PPP2R2B: variants seen among roughly 807,000 people sequenced by gnomAD.
PPP2R2B encodes protein phosphatase 2 regulatory subunit Bbeta, also known as serine/threonine-protein phosphatase 2A 55 kDa regulatory subunit B beta isoform.
PPP2R2B carries 5 observed loss-of-function variants against 46.0 expected under a neutral mutation model. The ratio of observed to expected loss-of-function variants is 0.11; its 90% CI spans 0.06 to 0.23. The LOEUF (loss-of-function observed/expected upper bound fraction) is 0.23. Ranked by LOEUF, PPP2R2B falls within the 10% of genes least tolerant of loss-of-function variation. The pLI is 1.00. For missense variants in PPP2R2B, 367 were observed against 575.0 expected, an observed-to-expected ratio of 0.64 and a Z score of 3.70; for synonymous variants, 215 against 206.7, an observed-to-expected ratio of 1.04 and a Z score of -0.34.
chr5:146,983,242 A>T (rs1221527525), intron 1 of PPP2R2B, among the ~76,000 whole-genome samples: 4 of 127,750 alleles, frequency 3.1e-5, no homozygotes, highest in South Asian at 5.0e-4. Flanking sequence ...GTGCAGTGGC[A>T]CAATCTCGGC....
Position 146,740,573 on chromosome 5 carries a change from T to TCACACA in PPP2R2B, c.71-39437_71-39432dup, listed in dbSNP as rs3995489. On this transcript the variant is annotated intron_variant, in intron 2 of 9. Transcript: ENST00000394411. The stretch of plus-strand genomic sequence containing the variant: ...GCCAAATTAATATTTTAAAATGAGA[T>TCACACA]CACACACACACACACACACACACAC... 3.1e-3 allele frequency among the ~76,000 whole-genome samples: 424 copies of TCACACA among 138,098 alleles called. 1 individual carries two copies. The highest frequency in any genetic ancestry group is 0.014 in the Middle Eastern group (4 of 278). 90.6% of individuals were successfully genotyped at this position (138,098 alleles called of 152,430 possible).
At chr5:146,700,988 A>C in intron 3 of PPP2R2B, 57 bp downstream of exon 3, 1 of 1,422,424 alleles carries the variant, frequency 7.0e-7, no homozygotes, top group Non-Finnish European at 9.9e-7. Flanking sequence ...AAGGAACAGT[A>C]GGAGGCCTCC....
At chr5:146,791,134 C>CAT (rs756220992) in intron 2 of PPP2R2B, among the ~76,000 whole-genome samples, 27 of 152,120 alleles carry the variant, frequency 1.8e-4, no homozygotes, top group Non-Finnish European at 3.2e-4. Context: ...TTTGGAAGGA[C>CAT]ATATATATAA....
At chr5:146,688,910 G>A (rs1294332736) in intron 5 of PPP2R2B, among the ~76,000 whole-genome samples, 1 of 152,064 alleles carries the variant, frequency 6.6e-6, no homozygotes, top group African/African-American at 2.4e-5. Context: ...TAATCCAGTT[G>A]TTTTCTCCAT....
At chr5:146,696,523 A>G (rs1165071737) in intron 4 of PPP2R2B, among the ~76,000 whole-genome samples, 2 of 152,362 alleles carry the variant, frequency 1.3e-5, no homozygotes, top group Non-Finnish European at 2.9e-5. Context: ...CAAAATCATC[A>G]GAAGTCTCTT....
chr5:146,918,909 C>T (rs1582425543), intron 1 of PPP2R2B, among the ~76,000 whole-genome samples: 1 of 152,152 alleles, frequency 6.6e-6, no homozygotes, highest in Admixed American at 6.5e-5. Flanking sequence ...ATTTAAATTG[C>T]ACCTTTTCTG....
At chr5:146,981,454 G>A (rs116628333) in intron 1 of PPP2R2B, among the ~76,000 whole-genome samples, 50 of 151,752 alleles carry the variant, frequency 3.3e-4, no homozygotes, top group African/African-American at 1.1e-3. Flanking sequence ...TCGAGAATTC[G>A]GTTGTGAGTC....
intron 1 of PPP2R2B, chr5:147,055,628 C>T: frequency 6.4e-7 from 1 of 1,561,992 alleles, no homozygotes; most frequent in South Asian, 1.1e-5. Context: ...GCCCACTTTT[C>T]CCACCCACCC....
intron 2 of PPP2R2B, among the ~76,000 whole-genome samples, chr5:146,870,404 C>T (rs1761546723): frequency 6.6e-6 from 1 of 152,172 alleles, no homozygotes; most frequent in Admixed American, 6.5e-5. Context: ...AGATTGCGCT[C>T]TCTCTTTTCA....
At position 147,000,876 on chromosome 5, in the gene PPP2R2B, G is replaced by C. The variant is rs1362768403; in HGVS notation, c.79+54789C>G. 2.0e-5 allele frequency among the ~76,000 whole-genome samples: 3 copies of C among 152,070 alleles called. No homozygotes were observed. In the East Asian group the frequency reaches 5.8e-4, roughly 30 times the overall value. ...ACACTGATTTCTTCAACGCCTAAGG[G>C]GAATCTTTATGTTTCTTCAAGGCAG... On this transcript the variant is annotated intron_variant, in intron 1 of 8. Coordinates refer to the PPP2R2B transcript ENST00000336640.
intron 1 of PPP2R2B, among the ~76,000 whole-genome samples, chr5:147,007,653 G>T (rs1435003918): frequency 5.9e-5 from 9 of 152,168 alleles, no homozygotes; most frequent in Admixed American, 5.9e-4. Flanking sequence ...ACCTTTATGA[G>T]CTGTAACACT....
chr5:146,717,664 G>T (rs1370198342), intron 2 of PPP2R2B, among the ~76,000 whole-genome samples: 3 of 152,122 alleles, frequency 2.0e-5, no homozygotes, highest in African/African-American at 7.2e-5. Flanking sequence ...AAGCTTTGGG[G>T]TAATACAACC....
chr5:146,886,056 C>T (rs1035256792), intron 1 of PPP2R2B, among the ~76,000 whole-genome samples: 2 of 151,944 alleles, frequency 1.3e-5, no homozygotes, highest in African/African-American at 4.8e-5. Context: ...TAGATAGGGG[C>T]GGCCGGGCGC....
chr5:146,938,713 T>A (rs1434507808), intron 1 of PPP2R2B, among the ~76,000 whole-genome samples: 1 of 151,268 alleles, frequency 6.6e-6, no homozygotes. Context: ...TATGTTCTAA[T>A]TTTTCAAAAA....
intron 1 of PPP2R2B, among the ~76,000 whole-genome samples, chr5:146,968,130 T>C (rs185481067): frequency 3.5e-4 from 54 of 152,282 alleles, no homozygotes; most frequent in African/African-American, 1.3e-3. Flanking sequence ...TCTGGATCAC[T>C]GACCTGGGCA....
chr5:146,971,563 C>T (rs1752661947), intron 1 of PPP2R2B, among the ~76,000 whole-genome samples: 1 of 152,070 alleles, frequency 6.6e-6, no homozygotes, highest in Non-Finnish European at 1.5e-5. Flanking sequence ...GATGAATAAT[C>T]TTGTATATTT....
In PPP2R2B at chr5:146,775,956, A is replaced by G. The variant is rs146863151; in HGVS notation, c.71-74814T>C. Among the ~76,000 whole-genome samples the G allele has an allele frequency of 1.6e-3, 247 of 152,246 alleles. 1 individual carries two copies. The highest frequency in any genetic ancestry group is 5.4e-3 in the African/African-American group (223 of 41,580). ...AGACTTGTACACTGAAAACTACAAAACATTGCTTAAAGAAATGCAAGACAA... is the reference window on the plus strand; with the variant it reads ...AGACTTGTACACTGAAAACTACAAAGCATTGCTTAAAGAAATGCAAGACAA... On this transcript the variant is annotated intron_variant, in intron 2 of 9. Coordinates refer to ENST00000394411, the MANE Select transcript of PPP2R2B (RefSeq NM_181675.4).
At chr5:147,069,003 A>G (rs913976342) in intron 2 of PPP2R2B, among the ~76,000 whole-genome samples, 1 of 152,230 alleles carries the variant, frequency 6.6e-6, no homozygotes, top group Non-Finnish European at 1.5e-5. Flanking sequence ...AATTATGGAA[A>G]TATCACCCAC....
At chr5:147,067,416 T>C (rs1432792631) in intron 2 of PPP2R2B, among the ~76,000 whole-genome samples, 1 of 152,186 alleles carries the variant, frequency 6.6e-6, no homozygotes, top group African/African-American at 2.4e-5. Flanking sequence ...GTATTTGCCT[T>C]TCTGTGCCTG....
Sources: gnomAD v4.1 joint callset for allele counts (sites outside exome capture counted in the v4.1 genomes callset) on GRCh38, gnomAD v4.1.1 for gene constraint, MANE v1.5 for transcripts, NCBI Gene and HGNC (gene_info 2026-07-23, HGNC 2026-07-21) for gene names.